MARK2: variants seen among roughly 807,000 people sequenced by gnomAD.
The protein encoded by MARK2 is microtubule affinity regulating kinase 2.
MARK2 carries 16 observed loss-of-function variants against 89.8 expected under a neutral mutation model. The observed-to-expected ratio is 0.18, with a 90% CI of 0.12 to 0.27. The LOEUF (loss-of-function observed/expected upper bound fraction) is 0.27. MARK2 is among the 10% of genes least tolerant of loss of function. The pLI is 1.00. For synonymous variants in MARK2, 382 were observed against 399.5 expected (o/e 0.96, Z 0.52); for missense variants, 621 against 1,049.9 (o/e 0.59, Z 5.65).
intron 17 of MARK2, among the ~76,000 whole-genome samples, chr11:63,906,400 C>T (rs1417520740): frequency 6.6e-6 from 1 of 152,208 alleles, no homozygotes; most frequent in Admixed American, 6.5e-5. Flanking sequence ...TCCTTGGGCC[C>T]ACAGTTAACG....
At position 63,909,266 on chromosome 11, in the gene MARK2, G is replaced by GT; in HGVS notation, c.*29_*30insT. ...GCTGCCAGGAGCGGGGGCGGCGGGG[G>GT]CGGGCCAGCTGGACGGGCTGCCGGC... On this transcript the variant is annotated 3_prime_UTR_variant, in exon 19 of 19. Coordinates refer to ENST00000402010, the MANE Select transcript of MARK2 (RefSeq NM_001039469.3). 6.5e-7 allele frequency: 1 copy of GT among 1,550,116 alleles called. No homozygotes were observed. Among genetic ancestry groups the GT allele is most frequent in the Non-Finnish European group, 8.8e-7 (1 of 1,141,462 alleles).
rs1159300019 is a variant in MARK2, at chr11:63,900,630, G to C, written c.840G>C (p.Leu280=). ...ACATGTCCACGGACTGTGAAAACCT[G>C]CTTAAGAAATTTCTCATTCTTAATC... ...PFYMSTDCEN[L]LKKFLILNPS... is the part of the protein sequence containing the mutation. The change falls in exon 9 of 19, where the codon CTG becomes CTC. Residue 280 remains leucine (L), a synonymous_variant. Coordinates refer to ENST00000402010, the MANE Select transcript of MARK2 (RefSeq NM_001039469.3). This position sits in a 1 kb window ranked among gnomAD's most constrained non-coding sequence, Gnocchi z 4.7. 6.2e-7 allele frequency: 1 copy of C among 1,614,152 alleles called. No homozygotes were observed.
chr11:63,888,380 T>G, intron 1 of MARK2: 4 of 241,584 alleles, frequency 1.7e-5, no homozygotes, highest in Non-Finnish European at 2.7e-5. Flanking sequence ...CTGCCACAGG[T>G]GAGCTAGGGT....
At chr11:63,850,342 G>GTTTTTTTTTTTTT (rs1382022541) in intron 1 of MARK2, among the ~76,000 whole-genome samples, 1 of 120,746 alleles carries the variant, frequency 8.3e-6, no homozygotes, top group Non-Finnish European at 1.7e-5. Flanking sequence ...TTTTTTTTTG[G>GTTTTTTTTTTTTT]ATTTTTAGTA....
At chr11:63,889,028 A>C in intron 1 of MARK2, 2 of 1,246,164 alleles carry the variant, frequency 1.6e-6, no homozygotes, top group Non-Finnish European at 2.2e-6. Context: ...CATCTCAAAC[A>C]TAGGATCTTT....
intron 1 of MARK2, chr11:63,868,814 G>A (rs1938281920): frequency 1.3e-5 from 6 of 455,974 alleles, no homozygotes; most frequent in South Asian, 7.7e-5. Flanking sequence ...AGATCATGTG[G>A]TCTGTCAGAA....
chr11:63,843,260 G>A (rs769844984), intron 1 of MARK2, among the ~76,000 whole-genome samples: 15 of 152,230 alleles, frequency 9.9e-5, no homozygotes, highest in Non-Finnish European at 1.9e-4. Flanking sequence ...CCAGCCAGCA[G>A]CAGCAGTCAC....
At chr11:63,877,807 A>T (rs1285365668) in intron 1 of MARK2, among the ~76,000 whole-genome samples, 3 of 152,178 alleles carry the variant, frequency 2.0e-5, no homozygotes, top group African/African-American at 7.2e-5. Context: ...CTTGGAGCAA[A>T]ATTGTCATTG....
At chr11:63,898,144 G>A in intron 3 of MARK2, 88 bp from the exon 4 acceptor site, 1 of 1,209,002 alleles carries the variant, frequency 8.3e-7, no homozygotes. Context: ...TTGGTTTTTT[G>A]GGAAAAACAA....
chr11:63,857,871 C>T (rs1183600439), intron 1 of MARK2, among the ~76,000 whole-genome samples: 1 of 151,748 alleles, frequency 6.6e-6, no homozygotes, highest in Non-Finnish European at 1.5e-5. Flanking sequence ...GAGACAAGTT[C>T]TCATTCTGTC....
intron 11 of MARK2, among the ~76,000 whole-genome samples, chr11:63,901,467 CTG>C (rs1243019665): frequency 6.4e-5 from 3 of 46,600 alleles, no homozygotes; most frequent in African/African-American, 3.3e-4. Flanking sequence ...AAGTTTGAGT[CTG>C]TTGCTTTTTT....
intron 1 of MARK2, among the ~76,000 whole-genome samples, chr11:63,884,971 G>A (rs548821992): frequency 1.3e-5 from 2 of 152,344 alleles, no homozygotes; most frequent in African/African-American, 4.8e-5. Context: ...GGAGGCCGAG[G>A]TGAGAGGATT....
intron 1 of MARK2, among the ~76,000 whole-genome samples, chr11:63,882,965 C>G (rs1939185457): frequency 6.6e-6 from 1 of 152,188 alleles, no homozygotes. Flanking sequence ...CTTCTGCCTA[C>G]CCCCACCACC....
chr11:63,907,981 C>A (rs774263003), intron 17 of MARK2, among the ~76,000 whole-genome samples: 27 of 152,252 alleles, frequency 1.8e-4, no homozygotes, highest in Non-Finnish European at 3.5e-4. Context: ...TCCCCCTCCT[C>A]CCCCAGAGCA....
At chr11:63,888,004 T>C (rs527946158) in intron 1 of MARK2, among the ~76,000 whole-genome samples, 1 of 152,332 alleles carries the variant, frequency 6.6e-6, no homozygotes, top group East Asian at 1.9e-4. Context: ...TAGGATTAAA[T>C]ATGATTTTTT....
At chr11:63,854,212 G>C (rs2016723859) in intron 1 of MARK2, among the ~76,000 whole-genome samples, 1 of 146,536 alleles carries the variant, frequency 6.8e-6, no homozygotes, top group Admixed American at 7.0e-5. Context: ...GTGTGTGTGT[G>C]TGTGTGTGAC....
Position 63,903,010 on chromosome 11 carries a change from T to C in MARK2, c.1417-51T>C, listed in dbSNP as rs1267757622. On this transcript the variant is annotated intron_variant, in intron 13 of 18. Coordinates refer to ENST00000402010, the MANE Select transcript of MARK2 (RefSeq NM_001039469.3). This position sits in a 1 kb window ranked among gnomAD's most constrained non-coding sequence, Gnocchi z 5.1. ...CATGAACCTGGGGGGAGAACCTGGC[T>C]GTAGACCACTTTGGCTTTCTGATAG... is the stretch of plus-strand genomic sequence containing the variant. The C allele has an allele frequency of 3.3e-6, 5 of 1,506,944 alleles. No individual in the cohort carries two copies. The highest frequency in any genetic ancestry group is 4.6e-6 in the Non-Finnish European group (5 of 1,083,374). 93.3% of individuals were successfully genotyped at this position (1,506,944 alleles called of 1,614,324 possible). A position where few individuals can be genotyped will look rare whatever the true frequency, so the allele number is the denominator to read the frequency against.
chr11:63,890,177 C>G, intron 1 of MARK2: 5 of 1,222,524 alleles, frequency 4.1e-6, no homozygotes, highest in Non-Finnish European at 5.5e-6. Context: ...CTGTTGGAGA[C>G]TCTCTCCTCT....
chr11:63,898,400 G>T, intron 4 of MARK2, 120 bp downstream of exon 4: 1 of 1,064,334 alleles, frequency 9.4e-7, no homozygotes. Flanking sequence ...GGATACCCCT[G>T]GGGAAGCTCA....
Sources: gnomAD v4.1 joint callset for allele counts (sites outside exome capture counted in the v4.1 genomes callset) on GRCh38, gnomAD v4.1.1 for gene constraint, Gnocchi (gnomAD v3.1) non-coding constraint, MANE v1.5 for transcripts, NCBI Gene and HGNC (gene_info 2026-07-23, HGNC 2026-07-21) for gene names.